The following NAALADL2 variants were observed in gnomAD, a reference collection of about 807,000 sequenced individuals.
NAALADL2 encodes N-acetylated alpha-linked acidic dipeptidase like 2, also known as inactive N-acetylated-alpha-linked acidic dipeptidase-like protein 2.
NAALADL2 carries 76 observed loss-of-function variants against 87.2 expected under a neutral mutation model. That is an observed-to-expected ratio of 0.87 (90% CI 0.72 to 1.05). The LOEUF (loss-of-function observed/expected upper bound fraction) is 1.05, where lower values mean the gene tolerates loss of function less well. NAALADL2 is among the 50% of genes least tolerant of loss of function. The pLI, the probability that NAALADL2 is intolerant of heterozygous loss-of-function variation, is 0.00. For synonymous variants in NAALADL2, 354 were observed against 331.0 expected, an observed-to-expected ratio of 1.07 and a Z score of -0.75; for missense variants, 1,089 against 945.8, an observed-to-expected ratio of 1.15 and a Z score of -1.99.
At chr3:175,094,757 A>T (rs1560018001) in intron 1 of NAALADL2, among the ~76,000 whole-genome samples, 34,074 of 125,888 alleles carry the variant, frequency 0.27, 4,110 homozygotes, top group Non-Finnish European at 0.33. Context: ...CAGACACTAT[A>T]GTGTGTGTGT....
intron 4 of NAALADL2, among the ~76,000 whole-genome samples, chr3:175,301,083 C>A (rs1342460719): frequency 6.6e-6 from 1 of 151,976 alleles, no homozygotes; most frequent in Admixed American, 6.6e-5. Flanking sequence ...AAGGGTTTTT[C>A]GTGTCTCTGT....
chr3:175,227,957 G>A (rs1427695019), intron 2 of NAALADL2, among the ~76,000 whole-genome samples: 1 of 151,846 alleles, frequency 6.6e-6, no homozygotes, highest in Non-Finnish European at 1.5e-5. Context: ...CAATTTAAGA[G>A]TTATTTTTAA....
intron 1 of NAALADL2, among the ~76,000 whole-genome samples, chr3:175,084,304 C>T (rs1718445026): frequency 6.6e-6 from 1 of 152,102 alleles, no homozygotes; most frequent in African/African-American, 2.4e-5. Flanking sequence ...CTCCACATGG[C>T]ATTGACTGCT....
At chr3:174,708,515 A>G (rs1263661685) in intron 2 of NAALADL2, among the ~76,000 whole-genome samples, 2 of 152,172 alleles carry the variant, frequency 1.3e-5, no homozygotes, top group African/African-American at 2.4e-5. Context: ...AATTTCAGTA[A>G]TTCGTTAGGG....
At chr3:175,704,287 T>C (rs1739372329) in intron 11 of NAALADL2, among the ~76,000 whole-genome samples, 1 of 152,184 alleles carries the variant, frequency 6.6e-6, no homozygotes, top group Non-Finnish European at 1.5e-5. Context: ...CTTTTTCCTC[T>C]GTCATTCAGT....
In NAALADL2 at chr3:175,787,513, G is replaced by A. The variant is rs574335197; in HGVS notation, c.2190-15492G>A. Among the ~76,000 whole-genome samples the A allele has an allele frequency of 3.7e-4, 56 of 152,282 alleles. 1 individual carries two copies. The South Asian group carries it at 0.011, about 31-fold the overall frequency. On this transcript the variant is annotated intron_variant, in intron 13 of 13. Coordinates refer to ENST00000454872, the MANE Select transcript of NAALADL2 (RefSeq NM_207015.3). Reference sequence around the variant, plus strand: ...TCACCCCTTTCTTTGACTCGGAAAGGGAACTCCCTGACCCCTTGCGCTTCC... The same window carrying A: ...TCACCCCTTTCTTTGACTCGGAAAGAGAACTCCCTGACCCCTTGCGCTTCC...
At chr3:175,729,028 C>T (rs1368506972) in intron 11 of NAALADL2, among the ~76,000 whole-genome samples, 2 of 152,134 alleles carry the variant, frequency 1.3e-5, no homozygotes, top group African/African-American at 4.8e-5. Context: ...TAGGTTCCTG[C>T]TCCCCAAATA....
intron 1 of NAALADL2, among the ~76,000 whole-genome samples, chr3:174,532,758 A>G (rs1014149266): frequency 8.6e-5 from 13 of 151,436 alleles, no homozygotes; most frequent in African/African-American, 3.2e-4. Flanking sequence ...CAGCCTTTCT[A>G]CTCACTTCTC....
chr3:175,714,660 G>A (rs559630776), intron 11 of NAALADL2, among the ~76,000 whole-genome samples: 1 of 152,088 alleles, frequency 6.6e-6, no homozygotes, highest in East Asian at 1.9e-4. Flanking sequence ...TTGCAAAAAC[G>A]TTCTCCAATT....
intron 10 of NAALADL2, among the ~76,000 whole-genome samples, chr3:175,592,672 A>C (rs1721681650): frequency 1.4e-5 from 2 of 144,518 alleles, no homozygotes; most frequent in South Asian, 4.4e-4. Context: ...TCTCACTCAT[A>C]GGTGGGAATT....
At chr3:174,698,125 C>G (rs1350793348) in intron 2 of NAALADL2, among the ~76,000 whole-genome samples, 1 of 151,896 alleles carries the variant, frequency 6.6e-6, no homozygotes, top group Non-Finnish European at 1.5e-5. Flanking sequence ...AATATAAAAC[C>G]GATAAAAATA....
chr3:174,977,733 T>G (rs1433429026), intron 1 of NAALADL2, among the ~76,000 whole-genome samples: 2 of 152,050 alleles, frequency 1.3e-5, no homozygotes, highest in Non-Finnish European at 2.9e-5. Context: ...GATAATCCAG[T>G]TTTACAAAGA....
chr3:174,666,810 C>G (rs1224351044), intron 2 of NAALADL2, among the ~76,000 whole-genome samples: 3 of 152,150 alleles, frequency 2.0e-5, no homozygotes, highest in African/African-American at 7.2e-5. Context: ...AACTGAAACT[C>G]TGGGCCCATT....
At chr3:175,502,650 G>A (rs1252180624) in intron 9 of NAALADL2, among the ~76,000 whole-genome samples, 3 of 151,870 alleles carry the variant, frequency 2.0e-5, no homozygotes, top group East Asian at 3.9e-4. Flanking sequence ...TCACAGCCTC[G>A]TTAATTATGA....
rs1720861973 is a variant in NAALADL2, at chr3:175,447,298, T to C, written c.1160T>C (p.Val387Ala). Residue 387 changes from valine to alanine, a missense_variant, in exon 6 of 14, where the codon GTT becomes GCT. Physicochemically the swap from Val to Ala is moderately conservative, Grantham distance 64. Coordinates refer to ENST00000454872, the MANE Select transcript of NAALADL2 (RefSeq NM_207015.3). ...LLVQPISAPLVAKLISSPKAR... is the reference protein window; with the variant it reads ...LLVQPISAPLAAKLISSPKAR... Reference sequence around the variant, plus strand: ...GTGCAGCCCATCTCTGCACCCCTCGTTGCAAAACTGATCTCTTCGCCAAAA... The same window carrying C: ...GTGCAGCCCATCTCTGCACCCCTCGCTGCAAAACTGATCTCTTCGCCAAAA... 8.1e-6 allele frequency: 13 copies of C among 1,606,770 alleles called. No homozygotes were observed. The highest frequency in any genetic ancestry group is 1.1e-5 in the Non-Finnish European group (13 of 1,175,848).
chr3:175,351,056 G>C (rs1763704044), intron 5 of NAALADL2, among the ~76,000 whole-genome samples: 1 of 151,982 alleles, frequency 6.6e-6, no homozygotes. Flanking sequence ...ATACTTTGGA[G>C]TGTGACTTTA....
At chr3:175,536,759 C>T (rs1211092820) in intron 9 of NAALADL2, among the ~76,000 whole-genome samples, 1 of 152,152 alleles carries the variant, frequency 6.6e-6, no homozygotes, top group Admixed American at 6.5e-5. Flanking sequence ...GTGATCTGCC[C>T]GTCTCTTCCT....
chr3:175,325,874 T>C (rs371011845), intron 5 of NAALADL2, among the ~76,000 whole-genome samples: 38 of 152,372 alleles, frequency 2.5e-4, no homozygotes, highest in African/African-American at 8.9e-4. Context: ...TGACGAATAG[T>C]GTCTGGCTTC....
chr3:174,643,225 G>C (rs911285896), intron 2 of NAALADL2, among the ~76,000 whole-genome samples: 1 of 152,174 alleles, frequency 6.6e-6, no homozygotes, highest in African/African-American at 2.4e-5. Context: ...ACATTCTAGT[G>C]GCAATGGGGT....
Sources: allele counts gnomAD v4.1 joint callset (sites outside exome capture counted in the v4.1 genomes callset), GRCh38; gene constraint gnomAD v4.1.1; transcripts MANE v1.5; gene names NCBI Gene and HGNC (gene_info 2026-07-23, HGNC 2026-07-21).